Variants in KIF13B observed in about 807,000 individuals in gnomAD.
KIF13B encodes kinesin-like protein KIF13B.
In KIF13B, 127 loss-of-function variants were observed where a neutral mutation model predicts 222.0. The observed-to-expected ratio is 0.57, with a 90% CI of 0.50 to 0.66. The LOEUF (loss-of-function observed/expected upper bound fraction) is 0.66. Among genes scored for constraint, KIF13B ranks in the 30% least tolerant of loss-of-function variants. KIF13B has a pLI of 0.00. For synonymous variants in KIF13B, 976 were observed against 919.0 expected, an observed-to-expected ratio of 1.06 and a Z score of -1.12; for missense variants, 2,173 against 2,379.0, an observed-to-expected ratio of 0.91 and a Z score of 1.80.
At chr8:29,152,610 T>TA (rs201263096) in intron 14 of KIF13B, among the ~76,000 whole-genome samples, 6 of 111,910 alleles carry the variant, frequency 5.4e-5, no homozygotes, top group Non-Finnish European at 9.0e-5. Context: ...GAGTTTTAAT[T>TA]AAAAAAAAAT....
In KIF13B at chr8:29,170,008, T is replaced by C. The variant is rs79119694; in HGVS notation, c.946-2423A>G. Among the ~76,000 whole-genome samples the C allele has an allele frequency of 4.9e-3, 751 of 152,308 alleles. 4 individuals carry two copies. Among genetic ancestry groups the C allele is most frequent in the African/African-American group, 0.017 (697 of 41,558 alleles). On this transcript the variant is annotated intron_variant, in intron 10 of 39. Transcript: ENST00000524189. The stretch of plus-strand genomic sequence containing the variant: ...AAAAGGAAACCTGGCAAACAACAAA[T>C]GCTTGATATTTTAAAAGCCCTTGTT...
chr8:29,172,652 G>A (rs1812297320), intron 10 of KIF13B, among the ~76,000 whole-genome samples: 1 of 152,140 alleles, frequency 6.6e-6, no homozygotes, highest in South Asian at 2.1e-4. Flanking sequence ...GGCAAAAACA[G>A]CTGCACAGTC....
chr8:29,126,435 A>G (rs993728569), intron 26 of KIF13B, 47 bp downstream of exon 26: 24 of 1,231,892 alleles, frequency 1.9e-5, no homozygotes, highest in Non-Finnish European at 2.8e-5. Context: ...GTAATTATAT[A>G]CTTTAATCAT....
intron 13 of KIF13B, among the ~76,000 whole-genome samples, chr8:29,156,168 A>C (rs1811517203): frequency 6.6e-6 from 1 of 151,954 alleles, no homozygotes; most frequent in African/African-American, 2.4e-5. Flanking sequence ...ACAGGGTTTC[A>C]CCATGTTGGC....
intron 2 of KIF13B, among the ~76,000 whole-genome samples, chr8:29,199,087 T>TTTTTTTTTTTTTTTTTTATTATACTC (rs1563781453): frequency 8.6e-5 from 13 of 151,812 alleles, no homozygotes; most frequent in African/African-American, 2.9e-4. Context: ...ATAAAATTTT[T>TTTTTTTTTTTTTTTTTTATTATACTC]TAAAAAATAG....
Position 29,188,599 on chromosome 8 carries a change from T to C in KIF13B, c.232A>G (p.Ile78Val). 1.2e-6 allele frequency: 2 copies of C among 1,603,870 alleles called. No individual in the cohort carries two copies. The highest frequency in any genetic ancestry group is 2.2e-5 in the South Asian group (2 of 90,378). Residue 78 changes from isoleucine (I) to valine (V), a missense_variant, in exon 5 of 40, where the codon ATT becomes GTT. By Grantham distance (29) the Ile-to-Val change is conservative (BLOSUM62 3). Coordinates refer to ENST00000524189, the MANE Select transcript of KIF13B (RefSeq NM_015254.4). Reference protein sequence around the residue: ...SVKEKYAGQDIVFKCLGENIL... With the variant: ...SVKEKYAGQDVVFKCLGENIL... ...TTCTCTCCAAGGCACTTGAAAACAA[T>C]ATCTTGACCTGAGAGAGAGAGAATA...
chr8:29,219,053 A>C (rs186161487), intron 2 of KIF13B: 16 of 152,408 alleles, frequency 1.0e-4, no homozygotes, highest in Admixed American at 9.1e-4. Flanking sequence ...GAAAATCTGC[A>C]GACATGGCAA....
chr8:29,147,634 G>C (rs775111525), intron 16 of KIF13B, 32 bp from the exon 17 acceptor site: 2 of 1,470,730 alleles, frequency 1.4e-6, no homozygotes, highest in Non-Finnish European at 1.9e-6. Context: ...ATACATGATC[G>C]AGAGTTACAA....
intron 35 of KIF13B, among the ~76,000 whole-genome samples, chr8:29,100,233 T>C (rs1363144773): frequency 6.6e-6 from 1 of 152,170 alleles, no homozygotes; most frequent in Non-Finnish European, 1.5e-5. Flanking sequence ...TGGTGAGCCA[T>C]AAAAATAGTG....
At chr8:29,097,276 T>G (rs1808576707) in intron 36 of KIF13B, among the ~76,000 whole-genome samples, 1 of 109,880 alleles carries the variant, frequency 9.1e-6, no homozygotes, top group African/African-American at 2.8e-5. Context: ...CAATCTTAAA[T>G]GTGTTATATC....
intron 37 of KIF13B, among the ~76,000 whole-genome samples, chr8:29,079,623 G>A (rs1004484534): frequency 3.3e-5 from 5 of 152,198 alleles, no homozygotes; most frequent in African/African-American, 1.2e-4. Flanking sequence ...GGAGGTAAAG[G>A]GGAAAAGAGG....
chr8:29,256,177 G>A (rs1377559708), intron 1 of KIF13B, among the ~76,000 whole-genome samples: 1 of 152,170 alleles, frequency 6.6e-6, no homozygotes, highest in Non-Finnish European at 1.5e-5. Context: ...ACGACACACT[G>A]TTGACTGAGA....
chr8:29,123,291 C>T, intron 28 of KIF13B, 75 bp downstream of exon 28: 2 of 1,556,304 alleles, frequency 1.3e-6, no homozygotes, highest in Non-Finnish European at 1.8e-6. Flanking sequence ...AACCGTAGCA[C>T]ACGCAAAATT....
Position 29,123,271 on chromosome 8 carries a change from C to T in KIF13B, c.3479+95G>A. 7.2e-6 allele frequency: 10 copies of T among 1,385,576 alleles called. No homozygotes were observed. The South Asian group carries it at 1.4e-4, about 19-fold the overall frequency. 85.8% of individuals were successfully genotyped at this position (1,385,576 alleles called of 1,614,324 possible). Reference sequence around the variant, plus strand: ...ACAACATTTCCCCCCATGCTATTGACTCTTCCATTAACCGTAGCACACGCA... The same window carrying T: ...ACAACATTTCCCCCCATGCTATTGATTCTTCCATTAACCGTAGCACACGCA... On this transcript the variant is annotated intron_variant, in intron 28 of 39. Coordinates refer to ENST00000524189, the MANE Select transcript of KIF13B (RefSeq NM_015254.4).
At chr8:29,101,644 T>G (rs1179753313) in intron 35 of KIF13B, among the ~76,000 whole-genome samples, 1 of 152,174 alleles carries the variant, frequency 6.6e-6, no homozygotes, top group Non-Finnish European at 1.5e-5. Context: ...CTGCCAGCCC[T>G]GCAGAGCGTG....
intron 1 of KIF13B, among the ~76,000 whole-genome samples, chr8:29,249,064 A>C (rs1320706232): frequency 6.6e-6 from 1 of 152,106 alleles, no homozygotes. Context: ...TTATCCTCTC[A>C]TATTCTTATA....
intron 36 of KIF13B, among the ~76,000 whole-genome samples, chr8:29,096,984 A>G (rs1359977980): frequency 1.3e-5 from 2 of 152,172 alleles, no homozygotes; most frequent in Non-Finnish European, 2.9e-5. Flanking sequence ...AGGCAATGGA[A>G]GGGTTCGTGA....
At chr8:29,156,464 T>C (rs1416751330) in intron 13 of KIF13B, among the ~76,000 whole-genome samples, 1 of 151,880 alleles carries the variant, frequency 6.6e-6, no homozygotes, top group Admixed American at 6.6e-5. Flanking sequence ...TTAGTTCCGT[T>C]TTTTTCCCCA....
chr8:29,188,545 T>G lies in KIF13B; in HGVS notation c.286A>C (p.Asn96His). ...NILQNAFDGY[N>H]ACIFAYGQTG... ...TGTCCATAGGCAAAGATACATGCATTGTAGCCATCAAAAGCATTCTGCAGG... is the reference window on the plus strand; with the variant it reads ...TGTCCATAGGCAAAGATACATGCATGGTAGCCATCAAAAGCATTCTGCAGG... Residue 96 changes from asparagine (N) to histidine (H), a missense_variant, in exon 5 of 40, where the codon AAT (asparagine) becomes CAT (histidine). Coordinates refer to ENST00000524189, the MANE Select transcript of KIF13B (RefSeq NM_015254.4). The G allele has an allele frequency of 6.2e-7, 1 of 1,611,476 alleles. No homozygotes were observed. Among genetic ancestry groups the G allele is most frequent in the Non-Finnish European group, 8.5e-7 (1 of 1,177,864 alleles).
Sources: gnomAD v4.1 joint callset for allele counts (sites outside exome capture counted in the v4.1 genomes callset) on GRCh38, gnomAD v4.1.1 for gene constraint, MANE v1.5 for transcripts, NCBI Gene and HGNC (gene_info 2026-07-23, HGNC 2026-07-21) for gene names.